Variants in CFI observed in about 807,000 individuals in gnomAD.
CFI encodes complement factor I, also known as C3B/C4B inactivator.
A neutral mutation model predicts 78.8 loss-of-function variants in CFI; 66 were observed. The ratio of observed to expected loss-of-function variants is 0.84; its 90% CI spans 0.69 to 1.03. CFI has a LOEUF of 1.03. CFI is among the 50% of genes least tolerant of loss of function. The pLI, the probability that CFI is intolerant of heterozygous loss-of-function variation, is 0.00. For missense variants in CFI, 706 were observed against 704.5 expected (o/e 1.00, Z -0.02); for synonymous variants, 250 against 232.6 (o/e 1.07, Z -0.68).
intron 1 of CFI, among the ~76,000 whole-genome samples, chr4:109,768,278 CAAAAAAAA>C (rs59449659): frequency 2.3e-5 from 2 of 87,122 alleles, no homozygotes; most frequent in African/African-American, 9.1e-5. Context: ...ACTTAAAGTA[CAAAAAAAA>C]AAAAAAAAAA....
chr4:109,742,681 T>C, intron 11 of CFI, 86 bp from the exon 12 acceptor site: 3 of 863,736 alleles, frequency 3.5e-6, no homozygotes, highest in Non-Finnish European at 5.9e-6. Context: ...ATTGGGATTA[T>C]GAAAGGGTGT....
In CFI at chr4:109,749,501, G is replaced by T; in HGVS notation, c.1042C>A (p.Leu348Met). The T allele has an allele frequency of 6.2e-7, 1 of 1,610,786 alleles. No homozygotes were observed. The change falls in exon 9 of 13, where the codon CTG becomes ATG. Residue 348 changes from leucine to methionine, a missense_variant and splice_region_variant. Coordinates refer to ENST00000394634, the MANE Select transcript of CFI (RefSeq NM_000204.5). ...KRIVGGKRAQ[L>M]GDLPWQVAIK... ...TGTGACTTTTCATGCGACTTTACCA[G>T]TTGTGCTCGCTTTCCTCCCACAATT...
rs1324695990 is a variant in CFI at position 109,756,888 on chromosome 4, G to GGAAAGAAGAAA, written c.904+874_904+875insTTTCTTCTTTC. On this transcript the variant is annotated intron_variant, in intron 7 of 12. Transcript: ENST00000394634. ...CTCCGTCTCGAAAGAAAGAAAGAAA[G>GGAAAGAAGAAA]GAAAGAAAGAAAGAAAGAAAGAAAG... Among the ~76,000 whole-genome samples the GGAAAGAAGAAA allele has an allele frequency of 3.3e-3, 193 of 57,902 alleles. 11 individuals carry two copies. Among genetic ancestry groups the GGAAAGAAGAAA allele is most frequent in the African/African-American group, 0.014 (184 of 13,344 alleles). The allele number at this position is 57,902 out of a possible 152,430, so 38.0% of individuals were successfully genotyped here.
At chr4:109,789,572 A>C (rs1020413486) in intron 1 of CFI, among the ~76,000 whole-genome samples, 2 of 152,098 alleles carry the variant, frequency 1.3e-5, no homozygotes, top group African/African-American at 4.8e-5. Flanking sequence ...ACCCAGTAAA[A>C]ATATCATTCA....
chr4:109,764,467 G>C lies in CFI; in HGVS notation c.482+70C>G, dbSNP rs547805157. 62 of 1,518,928 alleles carry C rather than the reference G, an allele frequency of 4.1e-5. No individual in the cohort carries two copies. The African/African-American group carries it at 7.3e-4, about 18-fold the overall frequency. The allele number at this position is 1,518,928 out of a possible 1,614,324, so 94.1% of individuals were successfully genotyped here. On this transcript the variant is annotated intron_variant, in intron 3 of 12. Transcript: ENST00000394634. ...CATATGGAAATTAATACACAGAAAGGTTAGGTAATCAAAAAGCAAACAGAA... is the reference window on the plus strand; with the variant it reads ...CATATGGAAATTAATACACAGAAAGCTTAGGTAATCAAAAAGCAAACAGAA...
intron 1 of CFI, 96 bp downstream of exon 1, chr4:109,801,819 T>A: frequency 1.2e-6 from 1 of 837,108 alleles, no homozygotes; most frequent in Non-Finnish European, 1.9e-6. Flanking sequence ...CTATGTAATA[T>A]TTAAATCAAA....
intron 11 of CFI, among the ~76,000 whole-genome samples, chr4:109,745,042 T>C (rs1380886591): frequency 6.6e-6 from 1 of 152,212 alleles, no homozygotes; most frequent in Non-Finnish European, 1.5e-5. Context: ...CACCTTCCAA[T>C]GTGGCAATTA....
chr4:109,801,894 C>G (rs1379226964), intron 1 of CFI, 21 bp downstream of exon 1: 1 of 1,522,220 alleles, frequency 6.6e-7, no homozygotes, highest in African/African-American at 1.4e-5. Context: ...AAATTGTTTG[C>G]ATAAAGGTTG....
chr4:109,755,948 C>T lies in CFI; in HGVS notation c.904+1815G>A, dbSNP rs538788185. Among the ~76,000 whole-genome samples the T allele has an allele frequency of 6.6e-5, 10 of 151,902 alleles. No homozygotes were observed. In the South Asian group the frequency reaches 2.1e-3, roughly 32 times the overall value. The stretch of plus-strand genomic sequence containing the variant: ...TATTTTATACAGCAGTTAGAAGCAA[C>T]AAATTAGATGAACACACAGTAACAT... On this transcript the variant is annotated intron_variant, in intron 7 of 12. Transcript: ENST00000394634.
At chr4:109,776,776 C>T (rs935346373) in intron 1 of CFI, among the ~76,000 whole-genome samples, 34 of 152,308 alleles carry the variant, frequency 2.2e-4, no homozygotes, top group African/African-American at 3.6e-4. Flanking sequence ...CGGATCTCTC[C>T]GCAGAAACTC....
intron 12 of CFI, chr4:109,741,475 T>G (rs1337601895): frequency 2.4e-6 from 1 of 424,472 alleles, no homozygotes; most frequent in Admixed American, 6.4e-5. Flanking sequence ...ATTGTCTTCA[T>G]TCTTACCACA....
At chr4:109,755,279 G>A (rs1259844903) in intron 7 of CFI, among the ~76,000 whole-genome samples, 4 of 152,150 alleles carry the variant, frequency 2.6e-5, no homozygotes, top group Non-Finnish European at 5.9e-5. Flanking sequence ...TGTTGGTGGG[G>A]TTGAAGAAAA....
At chr4:109,734,006 T>TA in the CFI span, among the ~76,000 whole-genome samples, 28 of 151,624 alleles carry the variant, frequency 1.8e-4, no homozygotes, top group East Asian at 9.7e-4. Flanking sequence ...CTTATCTCTA[T>TA]AAAAAAAATA....
chr4:109,793,341 C>T (rs1163453719), intron 1 of CFI: 17 of 152,138 alleles, frequency 1.1e-4, no homozygotes, highest in Admixed American at 1.1e-3. Flanking sequence ...ATATAGTTGT[C>T]TTTTAACTCA....
intron 1 of CFI, among the ~76,000 whole-genome samples, chr4:109,779,046 G>A (rs1729650878): frequency 6.6e-6 from 1 of 152,054 alleles, no homozygotes; most frequent in Non-Finnish European, 1.5e-5. Context: ...AGCAAAAACT[G>A]GAAGCATTCC....
intron 7 of CFI, among the ~76,000 whole-genome samples, chr4:109,754,200 T>C (rs9714929): frequency 0.73 from 109,833 of 150,318 alleles, 40,348 homozygotes; most frequent in East Asian, 0.87. Context: ...GTCAGGCTGG[T>C]CTTGAACTCC....
intron 3 of CFI, 47 bp downstream of exon 3, chr4:109,764,490 G>T: frequency 1.2e-6 from 2 of 1,606,786 alleles, no homozygotes; most frequent in Non-Finnish European, 1.7e-6. Context: ...AAAGCAAACA[G>T]AACAATTAAA....
intron 1 of CFI, among the ~76,000 whole-genome samples, chr4:109,780,138 T>C (rs1729812162): frequency 1.3e-5 from 2 of 151,922 alleles, no homozygotes; most frequent in Admixed American, 6.6e-5. Flanking sequence ...AAGCCAAAAT[T>C]GACAAATGGG....
chr4:109,745,756 A>G (rs1460012600), intron 11 of CFI, among the ~76,000 whole-genome samples: 1 of 152,070 alleles, frequency 6.6e-6, no homozygotes, highest in Admixed American at 6.6e-5. Context: ...TCCCTTTGTA[A>G]ACCTTTTTAT....
Sources: gnomAD v4.1 joint callset for allele counts (sites outside exome capture counted in the v4.1 genomes callset) on GRCh38, gnomAD v4.1.1 for gene constraint, MANE v1.5 for transcripts, NCBI Gene and HGNC (gene_info 2026-07-23, HGNC 2026-07-21) for gene names.